EPB41L4A: variants seen among roughly 807,000 people sequenced by gnomAD.
EPB41L4A encodes erythrocyte membrane protein band 4.1 like 4A.
In EPB41L4A, 100 loss-of-function variants were observed where a neutral mutation model predicts 108.6. The ratio of observed to expected loss-of-function variants is 0.92; its 90% CI spans 0.78 to 1.09. The LOEUF (loss-of-function observed/expected upper bound fraction) is 1.09, where lower values mean the gene tolerates loss of function less well. Ranked by LOEUF, EPB41L4A falls within the 50% of genes least tolerant of loss-of-function variation. The probability of loss-of-function intolerance (pLI) is 0.00; values close to 1 mark genes in which losing one functional copy is unlikely to be tolerated. For synonymous variants in EPB41L4A, 319 were observed against 289.0 expected, an observed-to-expected ratio of 1.10 and a Z score of -1.05; for missense variants, 1,030 against 842.7, an observed-to-expected ratio of 1.22 and a Z score of -2.75.
At chr5:112,186,541 C>T (rs1761435614) in intron 17 of EPB41L4A, among the ~76,000 whole-genome samples, 1 of 152,152 alleles carries the variant, frequency 6.6e-6, no homozygotes, top group African/African-American at 2.4e-5. Context: ...CAGTGAAACC[C>T]TGTCAGTTAA....
intron 4 of EPB41L4A, among the ~76,000 whole-genome samples, chr5:112,272,057 A>G (rs545746760): frequency 6.6e-6 from 1 of 152,130 alleles, no homozygotes; most frequent in Non-Finnish European, 1.5e-5. Context: ...TTTTTCCTAC[A>G]TCAGTGTCCT....
At chr5:112,155,773 T>G (rs77321123) in intron 12 of EPB41L4A, among the ~76,000 whole-genome samples, 2 of 152,202 alleles carry the variant, frequency 1.3e-5, no homozygotes, top group African/African-American at 4.8e-5. Flanking sequence ...GAAGCAAATT[T>G]AATATAGGTT....
At chr5:112,194,423 T>C in intron 17 of EPB41L4A, 145 bp downstream of exon 17, 1 of 531,422 alleles carries the variant, frequency 1.9e-6, no homozygotes, top group Non-Finnish European at 3.3e-6. Flanking sequence ...AGCTAAAGTT[T>C]CCTAAACTAA....
At chr5:112,375,795 A>G (rs1244714869) in intron 1 of EPB41L4A, among the ~76,000 whole-genome samples, 1 of 152,146 alleles carries the variant, frequency 6.6e-6, no homozygotes, top group Non-Finnish European at 1.5e-5. Context: ...ATCTGCTGGT[A>G]GATGTTCACT....
intron 22 of EPB41L4A, among the ~76,000 whole-genome samples, chr5:112,165,680 C>T (rs1383980885): frequency 6.6e-6 from 1 of 152,176 alleles, no homozygotes; most frequent in African/African-American, 2.4e-5. Flanking sequence ...ACTACTACTT[C>T]TTATGCGAAC....
intron 1 of EPB41L4A, among the ~76,000 whole-genome samples, chr5:112,315,649 T>C (rs1256298028): frequency 6.6e-6 from 1 of 152,146 alleles, no homozygotes; most frequent in Non-Finnish European, 1.5e-5. Context: ...CTCAATATAT[T>C]CTAAAGGTAG....
intron 1 of EPB41L4A, among the ~76,000 whole-genome samples, chr5:112,341,775 CAT>C (rs1491032461): frequency 4.0e-5 from 6 of 150,634 alleles, no homozygotes; most frequent in East Asian, 3.9e-4. Flanking sequence ...CACACACACA[CAT>C]ACACACACAC....
At chr5:112,296,621 A>G (rs1384349038) in intron 2 of EPB41L4A, among the ~76,000 whole-genome samples, 1 of 152,110 alleles carries the variant, frequency 6.6e-6, no homozygotes, top group Non-Finnish European at 1.5e-5. Flanking sequence ...ATTTTTTTCC[A>G]TAGGTTTTTA....
chr5:112,373,840 T>C (rs1270835554), intron 1 of EPB41L4A, among the ~76,000 whole-genome samples: 2 of 152,238 alleles, frequency 1.3e-5, no homozygotes, highest in African/African-American at 4.8e-5. Context: ...CATATTTTAA[T>C]GGAGAAATGT....
chr5:112,146,679 A>C (rs1381998299), intron 12 of EPB41L4A, among the ~76,000 whole-genome samples: 1 of 152,198 alleles, frequency 6.6e-6, no homozygotes, highest in Admixed American at 6.5e-5. Context: ...TTAAAAAAAA[A>C]TTAAGACCAG....
chr5:112,230,630 C>T (rs1371738119), intron 12 of EPB41L4A, among the ~76,000 whole-genome samples: 1 of 151,934 alleles, frequency 6.6e-6, no homozygotes, highest in African/African-American at 2.4e-5. Flanking sequence ...GATATTAGTC[C>T]TTTGCTGGAT....
At chr5:112,255,661 CTTCTT>C (rs1299412218) in intron 9 of EPB41L4A, among the ~76,000 whole-genome samples, 11 of 152,206 alleles carry the variant, frequency 7.2e-5, no homozygotes, top group African/African-American at 2.4e-4. Context: ...GGTTCTCTCT[CTTCTT>C]TTCTCATTTA....
chr5:112,166,741 A>G (rs370878749), intron 22 of EPB41L4A, among the ~76,000 whole-genome samples: 10 of 152,368 alleles, frequency 6.6e-5, no homozygotes, highest in African/African-American at 2.4e-4. Context: ...GCCAGACTGT[A>G]AACTACATCC....
rs1371621245 is a variant in EPB41L4A at position 112,266,293 on chromosome 5, G to A, written c.373C>T (p.Gln125Ter). The change falls in exon 5 of 23, where the codon CAG (glutamine) becomes TAG (stop). Residue 125 changes from glutamine to a stop codon, truncating the protein, a stop_gained. Transcript: ENST00000261486. LOFTEE classifies it high-confidence loss of function. ...TTGACGGGACAGGGCAGACGGCCCT[G>A]AAGGACATCTTGCTTCACCTGCAAG... ...FFLQVKQDVL[Q>*]GRLPCPVNTA... The A allele has an allele frequency of 6.2e-7, 1 of 1,609,748 alleles. No homozygotes were observed. Among genetic ancestry groups the A allele is most frequent in the South Asian group, 1.1e-5 (1 of 89,624 alleles).
chr5:112,157,306 T>C (rs1042131924), intron 12 of EPB41L4A, among the ~76,000 whole-genome samples: 29 of 152,160 alleles, frequency 1.9e-4, no homozygotes, highest in Non-Finnish European at 2.9e-4. Context: ...TAAAATGAAA[T>C]GTGCACAAGT....
In EPB41L4A at chr5:112,225,833, A is replaced by G. The variant is rs1027104244; in HGVS notation, c.1087+8801T>C. 1.4e-4 allele frequency among the ~76,000 whole-genome samples: 22 copies of G among 152,164 alleles called. 1 individual carries two copies. The highest frequency in any genetic ancestry group is 2.1e-4 in the Non-Finnish European group (14 of 68,020). Reference sequence around the variant, plus strand: ...CATTCTTTCTTAGTCTTTCGTCTCTATATTGTAGACTGTAACTGACCTGTG... The same window carrying G: ...CATTCTTTCTTAGTCTTTCGTCTCTGTATTGTAGACTGTAACTGACCTGTG... On this transcript the variant is annotated intron_variant, in intron 12 of 22. Transcript: ENST00000261486.
intron 4 of EPB41L4A, among the ~76,000 whole-genome samples, chr5:112,269,383 CAT>C (rs1246981169): frequency 2.0e-5 from 3 of 152,060 alleles, no homozygotes; most frequent in African/African-American, 7.2e-5. Flanking sequence ...ATCATATTTT[CAT>C]ATGTTAAACA....
chr5:112,303,502 C>G (rs951805646), intron 2 of EPB41L4A, among the ~76,000 whole-genome samples: 4 of 152,070 alleles, frequency 2.6e-5, no homozygotes, highest in African/African-American at 9.7e-5. Context: ...TGAACACCAA[C>G]ATTTTATGGA....
chr5:112,206,601 T>C (rs138038464), intron 13 of EPB41L4A, among the ~76,000 whole-genome samples: 20 of 152,052 alleles, frequency 1.3e-4, no homozygotes, highest in African/African-American at 4.8e-4. Context: ...TAGTAGAAAG[T>C]GTATGGGATC....
Sources: allele counts gnomAD v4.1 joint callset (sites outside exome capture counted in the v4.1 genomes callset), GRCh38; gene constraint gnomAD v4.1.1; transcripts MANE v1.5; gene names NCBI Gene and HGNC (gene_info 2026-07-23, HGNC 2026-07-21).